WWTR1: variants seen among roughly 807,000 people sequenced by gnomAD.
The protein encoded by WWTR1 is WW domain-containing transcription regulator protein 1.
A neutral mutation model predicts 40.1 loss-of-function variants in WWTR1; 13 were observed. The observed-to-expected ratio is 0.32, with a 90% CI of 0.21 to 0.52. The LOEUF (loss-of-function observed/expected upper bound fraction) is 0.52, where lower values mean the gene tolerates loss of function less well. Ranked by LOEUF, WWTR1 falls within the 20% of genes least tolerant of loss-of-function variation. The pLI is 0.97. For synonymous variants in WWTR1, 230 were observed against 210.1 expected (o/e 1.09, Z -0.82); for missense variants, 436 against 523.1 (o/e 0.83, Z 1.63).
chr3:149,704,859 A>AC (rs1553736189), upstream of WWTR1, among the ~76,000 whole-genome samples: 29 of 151,922 alleles, frequency 1.9e-4, no homozygotes, highest in Middle Eastern at 3.4e-3. Context: ...AAAAAAAAAA[A>AC]AACAACAACA....
intron 4 of WWTR1, among the ~76,000 whole-genome samples, chr3:149,534,750 C>A (rs142024658): frequency 6.6e-5 from 10 of 152,328 alleles, no homozygotes; most frequent in Non-Finnish European, 1.2e-4. Flanking sequence ...AAAATAAGGG[C>A]TCAAGAATCT....
chr3:149,591,721 T>C (rs1467953994), intron 2 of WWTR1, among the ~76,000 whole-genome samples: 1 of 152,202 alleles, frequency 6.6e-6, no homozygotes, highest in African/African-American at 2.4e-5. Context: ...TAAAAATAGT[T>C]ATATTAGAAG....
intron 3 of WWTR1, among the ~76,000 whole-genome samples, chr3:149,568,589 G>C (rs1737465684): frequency 7.5e-6 from 1 of 134,128 alleles, no homozygotes; most frequent in Non-Finnish European, 1.5e-5. Context: ...CCCCTTCAGA[G>C]CTTATTTCAT....
intron 2 of WWTR1, among the ~76,000 whole-genome samples, chr3:149,645,158 C>T (rs1463240855): frequency 2.6e-5 from 4 of 151,184 alleles, no homozygotes; most frequent in Non-Finnish European, 5.9e-5. Flanking sequence ...CAGCTCACTA[C>T]AAGCTCTGCC....
At chr3:149,555,714 T>TTC (rs1465097049) in intron 3 of WWTR1, among the ~76,000 whole-genome samples, 3 of 117,470 alleles carry the variant, frequency 2.6e-5, no homozygotes, top group African/African-American at 8.3e-5. Flanking sequence ...CTATAGATGA[T>TTC]TTTTTTTCTT....
intron 2 of WWTR1, among the ~76,000 whole-genome samples, chr3:149,604,686 T>C (rs1251391555): frequency 1.3e-5 from 2 of 152,228 alleles, no homozygotes; most frequent in African/African-American, 4.8e-5. Context: ...GAGGGGCAGA[T>C]GCAGGCCAGC....
At chr3:149,579,104 A>G (rs1738025427) in intron 2 of WWTR1, among the ~76,000 whole-genome samples, 1 of 152,246 alleles carries the variant, frequency 6.6e-6, no homozygotes, top group Admixed American at 6.5e-5. Context: ...GAAAGAATTT[A>G]AAACTATTAG....
In WWTR1 at chr3:149,520,579, A is replaced by G; in HGVS notation, c.*226T>C. On this transcript the variant is annotated 3_prime_UTR_variant, in exon 7 of 7. Coordinates refer to ENST00000360632, the MANE Select transcript of WWTR1 (RefSeq NM_015472.6). Reference sequence around the variant, plus strand: ...ACACAATTCTGTATAATCTGTCACAAGAACGCAGGCTTGCAGAAAATGAAA... The same window carrying G: ...ACACAATTCTGTATAATCTGTCACAGGAACGCAGGCTTGCAGAAAATGAAA... The G allele has an allele frequency of 2.5e-6, 1 of 394,668 alleles. No homozygotes were observed. The highest frequency in any genetic ancestry group is 4.4e-6 in the Non-Finnish European group (1 of 226,290). 24.4% of individuals were successfully genotyped at this position (394,668 alleles called of 1,614,324 possible).
intron 1 of WWTR1, among the ~76,000 whole-genome samples, chr3:149,693,148 G>A (rs1411383083): frequency 6.6e-6 from 1 of 152,058 alleles, no homozygotes. Context: ...AGGATACAAA[G>A]CCAACATACA....
chr3:149,624,067 C>A (rs1056530750), intron 2 of WWTR1, among the ~76,000 whole-genome samples: 1 of 152,230 alleles, frequency 6.6e-6, no homozygotes, highest in Non-Finnish European at 1.5e-5. Context: ...CCACCACTAC[C>A]ATGACCACTT....
At chr3:149,664,820 C>T (rs1210835928) in intron 2 of WWTR1, among the ~76,000 whole-genome samples, 4 of 152,084 alleles carry the variant, frequency 2.6e-5, no homozygotes, top group Non-Finnish European at 4.4e-5. Context: ...CTCCTGATCT[C>T]AGGTGTGATC....
chr3:149,720,408 T>C (rs1459158862), intron 4 of WWTR1, among the ~76,000 whole-genome samples: 7 of 152,160 alleles, frequency 4.6e-5, no homozygotes, highest in Non-Finnish European at 8.8e-5. Context: ...ATGGTTCCCT[T>C]ACCAAAAATC....
chr3:149,605,856 A>G (rs545737082), intron 2 of WWTR1, among the ~76,000 whole-genome samples: 1 of 152,338 alleles, frequency 6.6e-6, no homozygotes, highest in African/African-American at 2.4e-5. Context: ...CTGGAGAAAC[A>G]AGAGAACACA....
intron 2 of WWTR1, among the ~76,000 whole-genome samples, chr3:149,669,227 C>T (rs1180891944): frequency 6.6e-6 from 1 of 152,180 alleles, no homozygotes; most frequent in East Asian, 1.9e-4. Flanking sequence ...AATATACCCC[C>T]ACATATACAA....
intron 3 of WWTR1, among the ~76,000 whole-genome samples, chr3:149,565,055 G>T (rs546137209): frequency 6.6e-6 from 1 of 152,022 alleles, no homozygotes; most frequent in African/African-American, 2.4e-5. Context: ...GGGTGTGGTG[G>T]TGGGCACCTA....
At chr3:149,704,007 T>A (rs531291656), upstream of WWTR1, among the ~76,000 whole-genome samples, 33 of 152,184 alleles carry the variant, frequency 2.2e-4, no homozygotes, top group Non-Finnish European at 4.0e-4. Flanking sequence ...AGATGGGCTT[T>A]CCTTCTGTCA....
chr3:149,582,284 GAA>G (rs764148154), intron 2 of WWTR1, among the ~76,000 whole-genome samples: 23 of 141,214 alleles, frequency 1.6e-4, no homozygotes, highest in African/African-American at 5.7e-4. Flanking sequence ...ACATAAGAAG[GAA>G]AAAAAAAAAA....
chr3:149,711,171 A>AAT (rs1449604482), intron 5 of WWTR1, among the ~76,000 whole-genome samples: 1 of 151,572 alleles, frequency 6.6e-6, no homozygotes, highest in East Asian at 1.9e-4. Flanking sequence ...TAAAAAAAAA[A>AAT]AAAAAAAAGG....
At position 149,517,245 on chromosome 3, in the gene WWTR1, A is replaced by G. The variant is rs577668730; in HGVS notation, c.*3560T>C. 3.3e-5 allele frequency: 5 copies of G among 152,240 alleles called. No homozygotes were observed. The highest frequency in any genetic ancestry group is 4.1e-4 in the South Asian group (2 of 4,828). The allele number at this position is 152,240 out of a possible 1,614,324, so 9.4% of individuals were successfully genotyped here. On this transcript the variant is annotated 3_prime_UTR_variant, in exon 7 of 7. Transcript: ENST00000360632. ...GTCAAAAGCTCCAAGTGGAAGTTCA[A>G]TTGTCTTTATTTTTCTTATACAGAT... is the stretch of plus-strand genomic sequence containing the variant.
Sources: gnomAD v4.1 joint callset for allele counts (sites outside exome capture counted in the v4.1 genomes callset) on GRCh38, gnomAD v4.1.1 for gene constraint, MANE v1.5 for transcripts, NCBI Gene and HGNC (gene_info 2026-07-23, HGNC 2026-07-21) for gene names.